Variants in DCLK2 observed in about 807,000 individuals in gnomAD.
DCLK2 encodes doublecortin like kinase 2, also known as serine/threonine-protein kinase DCLK2.
A neutral mutation model predicts 78.4 loss-of-function variants in DCLK2; 31 were observed. That is an observed-to-expected ratio of 0.40 (90% CI 0.30 to 0.53). The LOEUF (loss-of-function observed/expected upper bound fraction) is 0.53. Among genes scored for constraint, DCLK2 ranks in the 20% least tolerant of loss-of-function variants. The probability of loss-of-function intolerance (pLI) is 0.61; values close to 1 mark genes in which losing one functional copy is unlikely to be tolerated. For missense variants in DCLK2, 872 were observed against 973.7 expected (o/e 0.90, Z 1.39); for synonymous variants, 407 against 374.9 (o/e 1.09, Z -0.99).
chr4:150,184,753 CA>C (rs1373389543), intron 2 of DCLK2, among the ~76,000 whole-genome samples: 1 of 152,058 alleles, frequency 6.6e-6, no homozygotes, highest in African/African-American at 2.4e-5. Context: ...AGACACCCGC[CA>C]CCATGCCCGG....
chr4:150,205,859 G>T (rs1371079933), intron 5 of DCLK2, among the ~76,000 whole-genome samples: 32 of 152,188 alleles, frequency 2.1e-4, no homozygotes, highest in Admixed American at 2.1e-3. Flanking sequence ...ACATGCCAAG[G>T]TCCTTCATAT....
intron 10 of DCLK2, among the ~76,000 whole-genome samples, chr4:150,234,442 A>G (rs1226268143): frequency 6.6e-6 from 1 of 152,234 alleles, no homozygotes; most frequent in Non-Finnish European, 1.5e-5. Flanking sequence ...CTCACTGACC[A>G]CTGACACTCA....
intron 2 of DCLK2, among the ~76,000 whole-genome samples, chr4:150,116,730 T>C (rs1212810275): frequency 1.3e-5 from 2 of 152,174 alleles, no homozygotes; most frequent in Admixed American, 1.3e-4. Context: ...AAATGCCAGA[T>C]TGTAGTAGTA....
rs1738786924 is a variant in DCLK2 at position 150,195,196 on chromosome 4, CAATAT to C, written c.859+1957_859+1961del. ...TATACAATATTATATATTATATAAA[CAATAT>C]TATATATTATATACAATATTATATA... is the stretch of plus-strand genomic sequence containing the variant. On this transcript the variant is annotated intron_variant, in intron 3 of 15. Transcript: ENST00000296550. 1.3e-3 allele frequency among the ~76,000 whole-genome samples: 3 copies of C among 2,394 alleles called. 1 individual carries two copies. The highest frequency in any genetic ancestry group is 1.8e-3 in the African/African-American group (3 of 1,654). 1.6% of individuals were successfully genotyped at this position (2,394 alleles called of 152,430 possible).
At chr4:150,190,286 GATAGA>G (rs1738349258) in intron 2 of DCLK2, among the ~76,000 whole-genome samples, 2 of 148,006 alleles carry the variant, frequency 1.4e-5, no homozygotes, top group African/African-American at 5.3e-5. Context: ...TAGATAGATA[GATAGA>G]TAGATAGGCA....
At chr4:150,157,773 A>G (rs1312532561) in intron 2 of DCLK2, among the ~76,000 whole-genome samples, 2 of 152,152 alleles carry the variant, frequency 1.3e-5, no homozygotes, top group Non-Finnish European at 2.9e-5. Flanking sequence ...ATGGCCTTGC[A>G]AAGTCCTGGG....
intron 2 of DCLK2, among the ~76,000 whole-genome samples, chr4:150,127,401 T>C (rs1220350632): frequency 1.3e-5 from 2 of 152,214 alleles, no homozygotes; most frequent in Non-Finnish European, 2.9e-5. Context: ...TTCTCCCCTA[T>C]TTACTTACTT....
At chr4:150,196,748 C>T (rs1739067370) in intron 3 of DCLK2, among the ~76,000 whole-genome samples, 1 of 151,968 alleles carries the variant, frequency 6.6e-6, no homozygotes, top group Admixed American at 6.6e-5. Context: ...ATCTACACAA[C>T]TCCAAAACCT....
rs1479551221 is a variant in DCLK2, at chr4:150,256,900, T to TCCC, written c.*655_*657dup. 1.2e-4 allele frequency: 19 copies of TCCC among 152,196 alleles called. No homozygotes were observed. Among genetic ancestry groups the TCCC allele is most frequent in the Admixed American group, 1.2e-3 (19 of 15,266 alleles). The allele number at this position is 152,196 out of a possible 1,614,324, so 9.4% of individuals were successfully genotyped here. ...AGCCATTCGGCTTGGGGCACCAGGC[T>TCCC]CCCCAGAGACAATGCTCAGTATTCA... On this transcript the variant is annotated 3_prime_UTR_variant, in exon 16 of 16. Coordinates refer to ENST00000296550, the MANE Select transcript of DCLK2 (RefSeq NM_001040260.4).
intron 5 of DCLK2, among the ~76,000 whole-genome samples, chr4:150,213,519 G>A (rs1172004378): frequency 6.6e-6 from 1 of 151,876 alleles, no homozygotes; most frequent in Non-Finnish European, 1.5e-5. Context: ...ATTCTAGTTA[G>A]TGGAAACAAT....
chr4:150,255,695 A>G (rs1744507820), intron 15 of DCLK2, among the ~76,000 whole-genome samples: 1 of 152,202 alleles, frequency 6.6e-6, no homozygotes, highest in Non-Finnish European at 1.5e-5. Context: ...TTATTGTCTC[A>G]GAATTCTTTT....
chr4:150,207,988 A>G (rs1283711657), intron 5 of DCLK2, among the ~76,000 whole-genome samples: 1 of 152,158 alleles, frequency 6.6e-6, no homozygotes, highest in Non-Finnish European at 1.5e-5. Context: ...CAGCAGATGG[A>G]AGAGTATTAG....
At chr4:150,167,788 C>T (rs1022574334) in intron 2 of DCLK2, among the ~76,000 whole-genome samples, 6 of 152,142 alleles carry the variant, frequency 3.9e-5, no homozygotes, top group South Asian at 4.1e-4. Context: ...CATAAGATCT[C>T]GGAAGCTGGG....
At chr4:150,117,395 G>A (rs1011689731) in intron 2 of DCLK2, among the ~76,000 whole-genome samples, 1 of 152,188 alleles carries the variant, frequency 6.6e-6, no homozygotes, top group South Asian at 2.1e-4. Context: ...GGAAACCAGG[G>A]CTTTCAGGCT....
At chr4:150,254,002 G>C (rs1210655267) in intron 15 of DCLK2, 1 of 741,938 alleles carries the variant, frequency 1.3e-6, no homozygotes, top group Non-Finnish European at 1.6e-6. Flanking sequence ...CTTGGTTTCA[G>C]GCAGGGCTGA....
intron 2 of DCLK2, among the ~76,000 whole-genome samples, chr4:150,129,705 C>A (rs1358335205): frequency 1.3e-5 from 2 of 151,552 alleles, no homozygotes; most frequent in South Asian, 4.2e-4. Context: ...GGCGACAGAG[C>A]AAGACTCCGT....
chr4:150,147,782 T>C (rs767960005), intron 2 of DCLK2, among the ~76,000 whole-genome samples: 16 of 152,164 alleles, frequency 1.1e-4, no homozygotes, highest in African/African-American at 2.9e-4. Flanking sequence ...GCATCTCCAG[T>C]TTGGGGAGAA....
intron 1 of DCLK2, among the ~76,000 whole-genome samples, chr4:150,097,857 G>A (rs1032117670): frequency 6.6e-6 from 1 of 152,120 alleles, no homozygotes; most frequent in African/African-American, 2.4e-5. Context: ...ATTTTTTACA[G>A]TTTTATGGCC....
At chr4:150,172,008 G>C (rs944760975) in intron 2 of DCLK2, among the ~76,000 whole-genome samples, 1 of 152,124 alleles carries the variant, frequency 6.6e-6, no homozygotes, top group African/African-American at 2.4e-5. Context: ...TCTCATCTGC[G>C]TGTCTCTTAT....
Sources: gnomAD v4.1 joint callset for allele counts (sites outside exome capture counted in the v4.1 genomes callset) on GRCh38, gnomAD v4.1.1 for gene constraint, MANE v1.5 for transcripts, NCBI Gene and HGNC (gene_info 2026-07-23, HGNC 2026-07-21) for gene names.